Variants in NBL1 observed in about 807,000 individuals in gnomAD.
NBL1 encodes NBL1, DAN family BMP antagonist.
In NBL1, 9 loss-of-function variants were observed where a neutral mutation model predicts 16.0. The ratio of observed to expected loss-of-function variants is 0.56; its 90% CI spans 0.34 to 0.98. The LOEUF (loss-of-function observed/expected upper bound fraction) is 0.98, where lower values mean the gene tolerates loss of function less well. NBL1 is among the 50% of genes least tolerant of loss of function. NBL1 has a pLI of 0.02. For missense variants in NBL1, 196 were observed against 243.1 expected, an observed-to-expected ratio of 0.81 and a Z score of 1.29; for synonymous variants, 86 against 100.7, an observed-to-expected ratio of 0.85 and a Z score of 0.87.
rs570331566 is a variant in NBL1 at position 19,649,311 on chromosome 1, C to T, written c.-20+4865C>T. ...AATTAATATCCAGTCACACACCACACAATGATGAACCACGTACACAATGGT... is the reference window on the plus strand; with the variant it reads ...AATTAATATCCAGTCACACACCACATAATGATGAACCACGTACACAATGGT... On this transcript the variant is annotated intron_variant, in intron 1 of 3. Transcript: ENST00000375136. Among the ~76,000 whole-genome samples the T allele has an allele frequency of 5.9e-5, 9 of 151,966 alleles. No homozygotes were observed. The South Asian group carries it at 1.9e-3, about 32-fold the overall frequency.
chr1:19,655,462 AGTCTCG>A, intron 3 of NBL1, 27 bp downstream of exon 3: 1 of 1,611,818 alleles, frequency 6.2e-7, no homozygotes, highest in Non-Finnish European at 8.5e-7. Flanking sequence ...TGCCCCACCC[AGTCTCG>A]GCCCGGAGCC....
intron 1 of NBL1, among the ~76,000 whole-genome samples, chr1:19,651,844 T>G (rs1382134919): frequency 6.6e-6 from 1 of 152,116 alleles, no homozygotes; most frequent in Non-Finnish European, 1.5e-5. Flanking sequence ...CAGGTGCACA[T>G]CACAATGCAT....
At chr1:19,656,801 A>G in intron 3 of NBL1, 65 bp from the exon 4 acceptor site, 2 of 1,531,840 alleles carry the variant, frequency 1.3e-6, no homozygotes, top group Non-Finnish European at 1.8e-6. Flanking sequence ...GTATTACCCT[A>G]GGGGCTGCCT....
chr1:19,644,006 T>G, upstream of NBL1: 1 of 984,972 alleles, frequency 1.0e-6, no homozygotes, highest in Non-Finnish European at 1.2e-6. The surrounding 1 kb of genome is among the most constrained non-coding windows in gnomAD (Gnocchi z 4.6). Flanking sequence ...GGGAGGGCGC[T>G]TAAGAACGGG....
chr1:19,648,779 T>TGGGGGG (rs2095001810), intron 1 of NBL1, among the ~76,000 whole-genome samples: 2 of 34,224 alleles, frequency 5.8e-5, no homozygotes, highest in African/African-American at 1.1e-4. Context: ...GAGTGGCGGG[T>TGGGGGG]GGGTGGGGTT....
intron 3 of NBL1, among the ~76,000 whole-genome samples, chr1:19,656,507 T>G: frequency 6.9e-6 from 1 of 145,722 alleles, no homozygotes; most frequent in Non-Finnish European, 1.5e-5. Flanking sequence ...GGGTCAGGGG[T>G]AGGGGGGCCA....
rs752315145 is a variant in NBL1, at chr1:19,656,987, A to G, written c.404A>G (p.Tyr135Cys). The change falls in exon 4 of 4, where the codon TAT (tyrosine) becomes TGT (cysteine). Residue 135 changes from tyrosine (Y) to cysteine (C), a missense_variant. Tyr to Cys is a radical substitution (Grantham distance 194, BLOSUM62 -2). Coordinates refer to ENST00000375136, the MANE Select transcript of NBL1 (RefSeq NM_005380.8). ...KEPSHEGLSV[Y>C]VQGEDGPGSQ... ...CCTAGTCACGAGGGGCTGAGCGTCT[A>G]TGTGCAGGGCGAGGACGGGCCGGGA... The G allele has an allele frequency of 8.7e-6, 14 of 1,606,338 alleles. No homozygotes were observed. Among genetic ancestry groups the G allele is most frequent in the Non-Finnish European group, 1.2e-5 (14 of 1,176,728 alleles).
intron 1 of NBL1, chr1:19,645,397 AGCC>A: frequency 2.0e-6 from 2 of 986,604 alleles, no homozygotes; most frequent in Non-Finnish European, 2.4e-6. Flanking sequence ...CAAAGGGGGC[AGCC>A]GCCTGCCTTG....
In NBL1 at chr1:19,656,964, T is replaced by G; in HGVS notation, c.381T>G (p.Pro127=). 6.2e-7 allele frequency: 1 copy of G among 1,611,728 alleles called. No individual in the cohort carries two copies. The highest frequency in any genetic ancestry group is 8.5e-7 in the Non-Finnish European group (1 of 1,179,154). ...HCSCQACGKE[P]SHEGLSVYVQ... Reference sequence around the variant, plus strand: ...GCTGCCAGGCCTGCGGCAAGGAGCCTAGTCACGAGGGGCTGAGCGTCTATG... The same window carrying G: ...GCTGCCAGGCCTGCGGCAAGGAGCCGAGTCACGAGGGGCTGAGCGTCTATG... Residue 127 remains proline, a synonymous_variant, in exon 4 of 4, where the codon CCT becomes CCG. Coordinates refer to ENST00000375136, the MANE Select transcript of NBL1 (RefSeq NM_005380.8).
At chr1:19,650,799 G>A (rs772605577) in intron 1 of NBL1, among the ~76,000 whole-genome samples, 1 of 151,492 alleles carries the variant, frequency 6.6e-6, no homozygotes, top group Non-Finnish European at 1.5e-5. Context: ...CAACAAAAAA[G>A]CATAAACCAA....
intron 1 of NBL1, among the ~76,000 whole-genome samples, chr1:19,646,293 C>T (rs959760081): frequency 1.3e-5 from 2 of 152,216 alleles, no homozygotes; most frequent in African/African-American, 2.4e-5. Flanking sequence ...CGTTCCCAGG[C>T]CAGGCTGCCC....
chr1:19,645,770 T>G, intron 1 of NBL1: 5 of 1,376,372 alleles, frequency 3.6e-6, no homozygotes, highest in East Asian at 2.9e-5. Flanking sequence ...GGGCCTGTGT[T>G]TTGGAGGGGT....
rs1296741684 is a variant in NBL1, at chr1:19,657,171, T to C, written c.*42T>C. 1.1e-6 allele frequency: 1 copy of C among 909,820 alleles called. No homozygotes were observed. Among genetic ancestry groups the C allele is most frequent in the East Asian group, 2.7e-5 (1 of 37,682 alleles). 56.4% of individuals were successfully genotyped at this position (909,820 alleles called of 1,614,324 possible). ...CCTCCCCTCTCATCCCCCTGTGGAA[T>C]GTTGGGTCTCACTCTCTGGGGAAGT... is the stretch of plus-strand genomic sequence containing the variant. On this transcript the variant is annotated 3_prime_UTR_variant, in exon 4 of 4. Transcript: ENST00000375136.
chr1:19,643,349 T>A (rs373111147), upstream of NBL1: 135 of 1,613,904 alleles, frequency 8.4e-5, no homozygotes, highest in Middle Eastern at 1.6e-4. The surrounding 1 kb of genome is among the most constrained non-coding windows in gnomAD (Gnocchi z 4.7). Context: ...AGCAGGGCTG[T>A]GTCTATCTGG....
At chr1:19,646,048 G>A (rs1199946197) in intron 1 of NBL1, 7 of 1,550,594 alleles carry the variant, frequency 4.5e-6, no homozygotes, top group Non-Finnish European at 6.1e-6. Flanking sequence ...GGAGGGCCGT[G>A]GCCTGGGTTT....
At chr1:19,645,149 G>T (rs549110958) in intron 1 of NBL1, among the ~76,000 whole-genome samples, 2 of 152,138 alleles carry the variant, frequency 1.3e-5, no homozygotes, top group Non-Finnish European at 2.9e-5. Flanking sequence ...CGGGGTTCAC[G>T]AATAGTTTCC....
At chr1:19,651,937 C>G (rs2095028041) in intron 1 of NBL1, among the ~76,000 whole-genome samples, 1 of 152,136 alleles carries the variant, frequency 6.6e-6, no homozygotes, top group Non-Finnish European at 1.5e-5. Flanking sequence ...GAGACCAAGT[C>G]TCACTTTGCT....
intron 1 of NBL1, among the ~76,000 whole-genome samples, chr1:19,650,164 G>A (rs2095015060): frequency 6.6e-6 from 1 of 152,160 alleles, no homozygotes; most frequent in Admixed American, 6.5e-5. Context: ...TAGCCTAGGA[G>A]CAATGGGCTA....
At position 19,647,030 on chromosome 1, in the gene NBL1, T is replaced by C. The variant is rs1452775942; in HGVS notation, c.-20+2584T>C. ...GCCCAAGCTAGCACTTAAAGTGACATGGACTGAGGAATTAACTATGATGGG... is the reference window on the plus strand; with the variant it reads ...GCCCAAGCTAGCACTTAAAGTGACACGGACTGAGGAATTAACTATGATGGG... On this transcript the variant is annotated intron_variant, in intron 1 of 3. Coordinates refer to ENST00000375136, the MANE Select transcript of NBL1 (RefSeq NM_005380.8). 5.9e-5 allele frequency among the ~76,000 whole-genome samples: 9 copies of C among 152,288 alleles called. 1 individual carries two copies. The East Asian group carries it at 7.7e-4, about 13-fold the overall frequency.
Sources: allele counts gnomAD v4.1 joint callset (sites outside exome capture counted in the v4.1 genomes callset), GRCh38; gene constraint gnomAD v4.1.1; non-coding constraint Gnocchi (gnomAD v3.1); transcripts MANE v1.5; gene names NCBI Gene and HGNC (gene_info 2026-07-23, HGNC 2026-07-21).